TMEM169: variants seen among roughly 807,000 people sequenced by gnomAD.
The protein encoded by TMEM169 is transmembrane protein 169.
In TMEM169, 18 loss-of-function variants were observed where a neutral mutation model predicts 27.3. The observed-to-expected ratio is 0.66, with a 90% CI of 0.46 to 0.98. TMEM169 has a LOEUF of 0.98. Ranked by LOEUF, TMEM169 falls within the 50% of genes least tolerant of loss-of-function variation. TMEM169 has a pLI of 0.00. For missense variants in TMEM169, 320 were observed against 368.6 expected (o/e 0.87, Z 1.08); for synonymous variants, 136 against 142.1 (o/e 0.96, Z 0.30).
intron 1 of TMEM169, among the ~76,000 whole-genome samples, chr2:216,087,210 G>T (rs1696022055): frequency 1.3e-5 from 2 of 152,178 alleles, no homozygotes; most frequent in Non-Finnish European, 2.9e-5. Flanking sequence ...CTAGGGTGGG[G>T]TGCAAATACG....
At position 216,099,012 on chromosome 2, in the gene TMEM169, TG is replaced by T. The variant is rs770017402; in HGVS notation, c.272-902del. 1.0e-4 allele frequency among the ~76,000 whole-genome samples: 15 copies of T among 149,318 alleles called. No individual in the cohort carries two copies. The highest frequency in any genetic ancestry group is 2.0e-4 in the East Asian group (1 of 5,084). On this transcript the variant is annotated intron_variant, in intron 2 of 2. Coordinates refer to ENST00000437356, the MANE Select transcript of TMEM169 (RefSeq NM_001142311.2). This position sits in a 1 kb window ranked among gnomAD's most constrained non-coding sequence, Gnocchi z 5.0. ...GTGTAGTGTATATATGTGGAATGTG[TG>T]GGGGGCAGCATTTGTGTGCATGTAT... is the stretch of plus-strand genomic sequence containing the variant.
rs546039047 is a variant in TMEM169, at chr2:216,096,297, A to G, written c.271+63A>G. The G allele has an allele frequency of 5.0e-5, 77 of 1,553,412 alleles. No individual in the cohort carries two copies. In the African/African-American group the frequency reaches 7.9e-4, roughly 16 times the overall value. ...AGGAAACCAAAAGGGCATCTTCCAG[A>G]ACAGACAGGCATATGCTCACTGTCC... On this transcript the variant is annotated intron_variant, in intron 2 of 2. Transcript: ENST00000437356.
At chr2:216,089,613 C>T (rs1000294906) in intron 1 of TMEM169, among the ~76,000 whole-genome samples, 1 of 152,274 alleles carries the variant, frequency 6.6e-6, no homozygotes, top group East Asian at 1.9e-4. Context: ...TGCACAACCA[C>T]GCCAAGCTAC....
At chr2:216,090,872 A>G (rs2105982224) in intron 1 of TMEM169, among the ~76,000 whole-genome samples, 1 of 152,352 alleles carries the variant, frequency 6.6e-6, no homozygotes, top group Admixed American at 6.5e-5. Flanking sequence ...AACTAACAGT[A>G]AAAAGGATCC....
At chr2:216,088,201 T>C (rs1283049045) in intron 1 of TMEM169, among the ~76,000 whole-genome samples, 1 of 149,740 alleles carries the variant, frequency 6.7e-6, no homozygotes, top group Non-Finnish European at 1.5e-5. Context: ...GGCTCACGCC[T>C]GTAATCCCAG....
intron 1 of TMEM169, among the ~76,000 whole-genome samples, chr2:216,086,397 A>G (rs1466403412): frequency 1.3e-5 from 2 of 152,128 alleles, no homozygotes; most frequent in African/African-American, 4.8e-5. Flanking sequence ...TGGAAGTGGA[A>G]GATGGGCACA....
intron 1 of TMEM169, among the ~76,000 whole-genome samples, chr2:216,092,403 C>T (rs548116717): frequency 6.6e-6 from 1 of 152,086 alleles, no homozygotes; most frequent in South Asian, 2.1e-4. Flanking sequence ...CCGCCTTGAT[C>T]TCCCAAAGTG....
At chr2:216,088,250 G>A (rs911472141) in intron 1 of TMEM169, among the ~76,000 whole-genome samples, 2 of 151,916 alleles carry the variant, frequency 1.3e-5, no homozygotes, top group African/African-American at 4.8e-5. Context: ...ACAAGGTCAG[G>A]AGATCGAGAC....
At position 216,099,147 on chromosome 2, in the gene TMEM169, T is replaced by C. The variant is rs752543126; in HGVS notation, c.272-773T>C. Among the ~76,000 whole-genome samples, 2 of 151,496 alleles carry C rather than the reference T, an allele frequency of 1.3e-5. No homozygotes were observed. Among genetic ancestry groups the C allele is most frequent in the Non-Finnish European group, 2.9e-5 (2 of 67,854 alleles). On this transcript the variant is annotated intron_variant, in intron 2 of 2. Coordinates refer to ENST00000437356, the MANE Select transcript of TMEM169 (RefSeq NM_001142311.2). The surrounding 1 kb of genome is among the most constrained non-coding windows in gnomAD (Gnocchi z 5.0). ...ATGGGTATGTGGTGTGTATATGGTA[T>C]GTGTATGTGTTGTATGTGGTATGTG...
At chr2:216,085,611 C>T (rs1422495015) in intron 1 of TMEM169, among the ~76,000 whole-genome samples, 4 of 152,162 alleles carry the variant, frequency 2.6e-5, no homozygotes, top group Non-Finnish European at 4.4e-5. Flanking sequence ...TGGCTCACGC[C>T]TGTAATCCCA....
rs1696411334 is a variant in TMEM169 at position 216,102,198 on chromosome 2, A to G, written c.*1656A>G. ...ACAGCGATCAGTAGCCCTAAGTACA[A>G]AGAAGCCAGATTTAGCCTTCTGTTG... On this transcript the variant is annotated 3_prime_UTR_variant, in exon 3 of 3. Transcript: ENST00000437356. The G allele has an allele frequency of 6.6e-6, 1 of 152,142 alleles. No individual in the cohort carries two copies. The highest frequency in any genetic ancestry group is 1.5e-5 in the Non-Finnish European group (1 of 68,030). The allele number at this position is 152,142 out of a possible 1,614,324, so 9.4% of individuals were successfully genotyped here. A position where few individuals can be genotyped will look rare whatever the true frequency, so the allele number is the denominator to read the frequency against.
In TMEM169 at chr2:216,101,497, G is replaced by C. The variant is rs1696393570; in HGVS notation, c.*955G>C. 1.3e-5 allele frequency: 2 copies of C among 152,358 alleles called. No homozygotes were observed. The highest frequency in any genetic ancestry group is 2.9e-5 in the Non-Finnish European group (2 of 68,160). The allele number at this position is 152,358 out of a possible 1,614,324, so 9.4% of individuals were successfully genotyped here. On this transcript the variant is annotated 3_prime_UTR_variant, in exon 3 of 3. Transcript: ENST00000437356. ...TTTTGTTTTGTTTTGTTTCGCTTTA[G>C]AGACGGAGTCTCACTCTGTTGCCGA... is the stretch of plus-strand genomic sequence containing the variant.
chr2:216,096,267 T>A, intron 2 of TMEM169, 33 bp downstream of exon 2: 1 of 1,591,560 alleles, frequency 6.3e-7, no homozygotes, highest in Non-Finnish European at 8.6e-7. Context: ...TTTAAAGCCA[T>A]GGGAAGGAAA....
intron 1 of TMEM169, among the ~76,000 whole-genome samples, chr2:216,083,653 A>G (rs1196282171): frequency 1.3e-5 from 2 of 152,092 alleles, no homozygotes; most frequent in Non-Finnish European, 2.9e-5. Flanking sequence ...GGGGCCTGCA[A>G]ACCGGTTATG....
intron 1 of TMEM169, among the ~76,000 whole-genome samples, chr2:216,094,416 A>G (rs1329639598): frequency 6.6e-6 from 1 of 152,226 alleles, no homozygotes; most frequent in Non-Finnish European, 1.5e-5. Flanking sequence ...AGTGCATGAG[A>G]GTATTCTAGC....
chr2:216,094,797 T>C (rs1696222633), intron 1 of TMEM169, among the ~76,000 whole-genome samples: 1 of 152,144 alleles, frequency 6.6e-6, no homozygotes, highest in Non-Finnish European at 1.5e-5. Flanking sequence ...AGGACAGATA[T>C]ACAGACCTGC....
intron 2 of TMEM169, among the ~76,000 whole-genome samples, chr2:216,098,746 T>C (rs1163584373): frequency 6.6e-6 from 1 of 150,688 alleles, no homozygotes; most frequent in African/African-American, 2.4e-5. Context: ...ATGTGTGGTG[T>C]GCGGTGTGGG....
In TMEM169 at chr2:216,093,801, G is replaced by GA. The variant is rs34664739; in HGVS notation, c.-126-2028dup. Among the ~76,000 whole-genome samples the GA allele has an allele frequency of 1.7e-3, 256 of 151,464 alleles. 1 individual carries two copies. Among genetic ancestry groups the GA allele is most frequent in the African/African-American group, 5.2e-3 (216 of 41,272 alleles). On this transcript the variant is annotated intron_variant, in intron 1 of 2. Transcript: ENST00000437356. ...CTAAATTTTAGAAACATTGAAATGA[G>GA]AAAAAAAAATATGTATTCTGGCATT... is the stretch of plus-strand genomic sequence containing the variant.
chr2:216,099,848 T>C lies in TMEM169; in HGVS notation c.272-72T>C. 1 of 1,548,302 alleles carries C rather than the reference T, an allele frequency of 6.5e-7. No individual in the cohort carries two copies. Among genetic ancestry groups the C allele is most frequent in the Non-Finnish European group, 8.7e-7 (1 of 1,151,146 alleles). ...GCTACTCTTGTCCTCATGCCCAGCC[T>C]GGGAGGGTGCAACATGGAGATGCAA... On this transcript the variant is annotated intron_variant, in intron 2 of 2. Transcript: ENST00000437356. The surrounding 1 kb of genome is among the most constrained non-coding windows in gnomAD (Gnocchi z 5.0).
Sources: gnomAD v4.1 joint callset for allele counts (sites outside exome capture counted in the v4.1 genomes callset) on GRCh38, gnomAD v4.1.1 for gene constraint, Gnocchi (gnomAD v3.1) non-coding constraint, MANE v1.5 for transcripts, NCBI Gene and HGNC (gene_info 2026-07-23, HGNC 2026-07-21) for gene names.